Variants in KMT2C observed in about 807,000 individuals in gnomAD.
KMT2C encodes histone-lysine N-methyltransferase 2C.
A neutral mutation model predicts 507.9 loss-of-function variants in KMT2C; 88 were observed. The ratio of observed to expected loss-of-function variants is 0.17; its 90% CI spans 0.15 to 0.21. KMT2C has a LOEUF of 0.21. Ranked by LOEUF, KMT2C falls within the 10% of genes least tolerant of loss-of-function variation. The probability of loss-of-function intolerance (pLI) is 1.00; values close to 1 mark genes in which losing one functional copy is unlikely to be tolerated. For synonymous variants in KMT2C, 2,049 were observed against 2,080.8 expected (o/e 0.98, Z 0.42); for missense variants, 4,954 against 5,957.8 (o/e 0.83, Z 5.55).
chr7:152,292,800 A>C (rs935676347), intron 6 of KMT2C, among the ~76,000 whole-genome samples: 4 of 152,140 alleles, frequency 2.6e-5, no homozygotes, highest in Non-Finnish European at 5.9e-5. Context: ...TCAGCTTTTC[A>C]ACCTCTCAGC....
chr7:152,206,212 T>C (rs567131566), intron 24 of KMT2C, among the ~76,000 whole-genome samples: 3 of 152,196 alleles, frequency 2.0e-5, no homozygotes, highest in Admixed American at 2.0e-4. Context: ...TGAAATGATA[T>C]CGTTGTCTAG....
chr7:152,309,949 T>A lies in KMT2C; in HGVS notation c.849+17A>T. 5 of 1,432,424 alleles carry A rather than the reference T, an allele frequency of 3.5e-6. No homozygotes were observed. Among genetic ancestry groups the A allele is most frequent in the Non-Finnish European group, 4.9e-6 (5 of 1,019,234 alleles). The allele number at this position is 1,432,424 out of a possible 1,614,324, so 88.7% of individuals were successfully genotyped here. On this transcript the variant is annotated intron_variant, in intron 6 of 58. Coordinates refer to ENST00000262189, the MANE Select transcript of KMT2C (RefSeq NM_170606.3). The stretch of plus-strand genomic sequence containing the variant: ...TGTTATAAAACTATGATTTAAATAT[T>A]TGCTTTGTCTACTTACTTCTGTGCT...
intron 39 of KMT2C, among the ~76,000 whole-genome samples, chr7:152,173,644 A>G (rs2129110341): frequency 6.6e-6 from 1 of 152,356 alleles, no homozygotes; most frequent in East Asian, 1.9e-4. Context: ...CTAAGAGAGA[A>G]AAGACAAACT....
At chr7:152,300,141 C>A (rs569764539) in intron 6 of KMT2C, among the ~76,000 whole-genome samples, 7 of 152,266 alleles carry the variant, frequency 4.6e-5, no homozygotes, top group Admixed American at 4.6e-4. Context: ...TTACTATAGT[C>A]CATTAGACAG....
At chr7:152,279,025 A>G (rs2096147085) in intron 6 of KMT2C, among the ~76,000 whole-genome samples, 1 of 152,196 alleles carries the variant, frequency 6.6e-6, no homozygotes, top group Non-Finnish European at 1.5e-5. Flanking sequence ...AAATATACAT[A>G]GAATTTTCAA....
At chr7:152,394,971 TTTTCTTA>T (rs1179086489) in intron 1 of KMT2C, among the ~76,000 whole-genome samples, 1 of 152,108 alleles carries the variant, frequency 6.6e-6, no homozygotes, top group Non-Finnish European at 1.5e-5. Flanking sequence ...TAATTAAAAT[TTTTCTTA>T]TTTGAAGCTG....
intron 1 of KMT2C, among the ~76,000 whole-genome samples, chr7:152,382,360 ATTTGCC>A (rs2097382181): frequency 6.6e-6 from 1 of 152,058 alleles, no homozygotes; most frequent in African/African-American, 2.4e-5. Flanking sequence ...AACGGCCCCT[ATTTGCC>A]TTTCTACTTC....
At chr7:152,270,407 T>C (rs1054215938) in intron 7 of KMT2C, among the ~76,000 whole-genome samples, 2 of 152,204 alleles carry the variant, frequency 1.3e-5, no homozygotes, top group Non-Finnish European at 2.9e-5. Flanking sequence ...AATTAGGATA[T>C]GTAGCATTTC....
intron 31 of KMT2C, among the ~76,000 whole-genome samples, chr7:152,191,244 A>G (rs1303580033): frequency 6.6e-6 from 1 of 152,164 alleles, no homozygotes; most frequent in Non-Finnish European, 1.5e-5. Context: ...AATAGTGTAT[A>G]TGTCCCATTT....
At position 152,181,320 on chromosome 7, in the gene KMT2C, G is replaced by C. The variant is rs1374600632; in HGVS notation, c.6540C>G (p.Thr2180=). 1 of 1,612,170 alleles carries C rather than the reference G, an allele frequency of 6.2e-7. No individual in the cohort carries two copies. The highest frequency in any genetic ancestry group is 1.7e-5 in the Admixed American group (1 of 59,898). ...AGTCAGTTTGTGTAGATGGTCTTGG[G>C]GTTTGGGGCTGCTGACTATATGGGT... ...TVDPYSQQPQ[T]PRPSTQTDLF... The change falls in exon 36 of 59, where the codon ACC becomes ACG. Residue 2180 remains threonine, a synonymous_variant. Transcript: ENST00000262189.
intron 2 of KMT2C, among the ~76,000 whole-genome samples, chr7:152,345,794 T>A (rs1018232842): frequency 1.3e-5 from 2 of 152,146 alleles, no homozygotes; most frequent in African/African-American, 4.8e-5. Flanking sequence ...GTGCTGTGAT[T>A]CCAGGTATGA....
At chr7:152,147,723 A>AAAAAG (rs1554454323) in intron 52 of KMT2C, among the ~76,000 whole-genome samples, 4 of 133,996 alleles carry the variant, frequency 3.0e-5, no homozygotes, top group Admixed American at 1.5e-4. Flanking sequence ...AAAAAAAAAA[A>AAAAAG]AAAAAGAAAA....
chr7:152,297,060 AG>A lies in KMT2C; in HGVS notation c.849+12905del, dbSNP rs1563767738. On this transcript the variant is annotated intron_variant, in intron 6 of 58. Coordinates refer to ENST00000262189, the MANE Select transcript of KMT2C (RefSeq NM_170606.3). ...AAGAAAGAAAGAAAGAAAGACAGAG[AG>A]AGAGAGAGAGAGAGAGAGAGAGAGA... Among the ~76,000 whole-genome samples the A allele has an allele frequency of 1.7e-4, 17 of 97,592 alleles. 1 individual carries two copies. The highest frequency in any genetic ancestry group is 9.0e-4 in the African/African-American group (17 of 18,884). The allele number at this position is 97,592 out of a possible 152,430, so 64.0% of individuals were successfully genotyped here. A position where few individuals can be genotyped will look rare whatever the true frequency, so the allele number is the denominator to read the frequency against.
At chr7:152,409,734 A>AAATAAAAT (rs10653198) in intron 1 of KMT2C, among the ~76,000 whole-genome samples, 193 of 147,078 alleles carry the variant, frequency 1.3e-3, no homozygotes, top group African/African-American at 2.3e-3. Flanking sequence ...CCGTCTCAAA[A>AAATAAAAT]AAAATAAAAT....
At chr7:152,382,216 G>A (rs865862206) in intron 1 of KMT2C, among the ~76,000 whole-genome samples, 3 of 152,050 alleles carry the variant, frequency 2.0e-5, no homozygotes, top group Admixed American at 2.0e-4. Flanking sequence ...AGCCATTCAG[G>A]CTTCATTGAG....
chr7:152,382,344 ATT>A (rs2097381920), intron 1 of KMT2C, among the ~76,000 whole-genome samples: 1 of 152,128 alleles, frequency 6.6e-6, no homozygotes, highest in African/African-American at 2.4e-5. Context: ...CACTGTCCTT[ATT>A]TATAACGGCC....
intron 39 of KMT2C, among the ~76,000 whole-genome samples, 159 bp from the exon 40 acceptor site, chr7:152,171,501 G>A (rs905559816): frequency 1.3e-5 from 2 of 152,206 alleles, no homozygotes; most frequent in Admixed American, 6.5e-5. Flanking sequence ...TTCATGTACT[G>A]GGCAGATGTG....
chr7:152,203,876 A>G (rs2094218046), intron 25 of KMT2C, among the ~76,000 whole-genome samples: 2 of 152,164 alleles, frequency 1.3e-5, no homozygotes, highest in African/African-American at 2.4e-5. Context: ...TCCATGAAAA[A>G]CAAAAATTAA....
In KMT2C at chr7:152,194,505, C is replaced by T. The variant is rs587778490; in HGVS notation, c.4442G>A (p.Arg1481Gln). 1.5e-5 allele frequency: 24 copies of T among 1,612,412 alleles called. No individual in the cohort carries two copies. The highest frequency in any genetic ancestry group is 1.3e-4 in the African/African-American group (10 of 74,832). The change falls in exon 29 of 59, where the codon CGA becomes CAA. Residue 1481 changes from arginine (R) to glutamine (Q), a missense_variant. By Grantham distance (43) the Arg-to-Gln change is conservative. Coordinates refer to ENST00000262189, the MANE Select transcript of KMT2C (RefSeq NM_170606.3). Reference protein sequence around the residue: ...LPQPNVNQSSRPLSEEQLDGI... With the variant: ...LPQPNVNQSSQPLSEEQLDGI... Reference sequence around the variant, plus strand: ...ATCTAGCTGTTCTTCACTTAATGGTCGTGAACTCTGATTGACATTTGGCTG... The same window carrying T: ...ATCTAGCTGTTCTTCACTTAATGGTTGTGAACTCTGATTGACATTTGGCTG...
Sources: allele counts gnomAD v4.1 joint callset (sites outside exome capture counted in the v4.1 genomes callset), GRCh38; gene constraint gnomAD v4.1.1; transcripts MANE v1.5; gene names NCBI Gene and HGNC (gene_info 2026-07-23, HGNC 2026-07-21).